Variants in ACTR3C observed in about 807,000 individuals in gnomAD.
The protein encoded by ACTR3C is actin related protein 3C, also known as actin-related protein 3C.
ACTR3C carries 18 observed loss-of-function variants against 26.3 expected under a neutral mutation model. The observed-to-expected ratio is 0.68, with a 90% CI of 0.47 to 1.01. The LOEUF is 1.01. Among genes scored for constraint, ACTR3C ranks in the 50% least tolerant of loss-of-function variants. The probability of loss-of-function intolerance (pLI) is 0.00; values close to 1 mark genes in which losing one functional copy is unlikely to be tolerated. For synonymous variants in ACTR3C, 55 were observed against 94.5 expected (o/e 0.58, Z 2.42); for missense variants, 184 against 250.7 (o/e 0.73, Z 1.80).
chr7:149,890,475 T>C, the ACTR3C span, among the ~76,000 whole-genome samples: 1 of 149,200 alleles, frequency 6.7e-6, no homozygotes, highest in Non-Finnish European at 1.5e-5. Context: ...ATTTAAACCC[T>C]AGAAAAAAAC....
the ACTR3C span, among the ~76,000 whole-genome samples, chr7:150,008,462 A>G: frequency 6.6e-6 from 1 of 152,220 alleles, no homozygotes; most frequent in Non-Finnish European, 1.5e-5. Flanking sequence ...TTAAATTTTC[A>G]TTAATTTTAA....
the ACTR3C span, among the ~76,000 whole-genome samples, chr7:150,084,870 A>G: frequency 6.6e-6 from 1 of 152,130 alleles, no homozygotes; most frequent in African/African-American, 2.4e-5. Flanking sequence ...GTGACTTCAG[A>G]GATTCCAGTG....
the ACTR3C span, among the ~76,000 whole-genome samples, chr7:150,102,534 T>C: frequency 2.0e-5 from 3 of 152,128 alleles, no homozygotes; most frequent in Admixed American, 6.5e-5. Flanking sequence ...GAACTTGGAC[T>C]GTAACCTCTT....
At chr7:150,028,457 G>A in the ACTR3C span, among the ~76,000 whole-genome samples, 1 of 152,300 alleles carries the variant, frequency 6.6e-6, no homozygotes, top group Non-Finnish European at 1.5e-5. Flanking sequence ...CCAATCATCA[G>A]ACTTTAAAGC....
At chr7:150,231,897 G>A in the ACTR3C span, among the ~76,000 whole-genome samples, 1 of 152,044 alleles carries the variant, frequency 6.6e-6, no homozygotes, top group East Asian at 1.9e-4. Context: ...TTGATTGATA[G>A]TGTTCCTCAA....
the ACTR3C span, among the ~76,000 whole-genome samples, chr7:150,013,932 T>C: frequency 6.6e-6 from 1 of 152,098 alleles, no homozygotes; most frequent in Non-Finnish European, 1.5e-5. Context: ...TCCTGGTACC[T>C]GAAGAGAGAT....
chr7:150,192,966 T>C, the ACTR3C span, among the ~76,000 whole-genome samples: 1 of 152,200 alleles, frequency 6.6e-6, no homozygotes, highest in Non-Finnish European at 1.5e-5. Context: ...GATCTTAACC[T>C]CTGTATTGTA....
the ACTR3C span, among the ~76,000 whole-genome samples, chr7:149,904,549 C>T: frequency 5.5e-5 from 4 of 73,386 alleles, 1 homozygote; most frequent in Non-Finnish European, 1.2e-4. Context: ...ACAACAACAA[C>T]AAAAAAAACT....
chr7:150,057,475 A>G, the ACTR3C span, among the ~76,000 whole-genome samples: 2 of 151,572 alleles, frequency 1.3e-5, no homozygotes, highest in Non-Finnish European at 2.9e-5. Flanking sequence ...GGGTAGAGAC[A>G]GGGTTTCACC....
chr7:149,933,494 C>T, the ACTR3C span, among the ~76,000 whole-genome samples: 1 of 152,022 alleles, frequency 6.6e-6, no homozygotes, highest in Non-Finnish European at 1.5e-5. Context: ...CTGGTTAAGC[C>T]AGCGAATGAA....
At chr7:150,055,151 A>G in the ACTR3C span, among the ~76,000 whole-genome samples, 1 of 152,232 alleles carries the variant, frequency 6.6e-6, no homozygotes, top group Non-Finnish European at 1.5e-5. Flanking sequence ...TTGTTTCTGG[A>G]CCAACAGTGA....
chr7:149,964,864 T>C, the ACTR3C span, among the ~76,000 whole-genome samples: 1 of 151,980 alleles, frequency 6.6e-6, no homozygotes, highest in African/African-American at 2.4e-5. Context: ...AGACCTAGAA[T>C]TCAACAAATA....
rs577879163 is a variant in ACTR3C at position 150,256,482 on chromosome 7, T to G, written c.565-7428A>C. Reference sequence around the variant, plus strand: ...TAGCCATTCTAACTGATGTGAGAACTGATGTCAGATGTTAACACAGGAACA... The same window carrying G: ...TAGCCATTCTAACTGATGTGAGAACGGATGTCAGATGTTAACACAGGAACA... On this transcript the variant is annotated intron_variant, in intron 6 of 7. Coordinates refer to ENST00000683684, the MANE Select transcript of ACTR3C (RefSeq NM_001164458.2). Among the ~76,000 whole-genome samples the G allele has an allele frequency of 3.9e-5, 6 of 152,386 alleles. No individual in the cohort carries two copies. The East Asian group carries it at 1.2e-3, about 29-fold the overall frequency.
chr7:150,042,511 C>T, the ACTR3C span, among the ~76,000 whole-genome samples: 79 of 149,180 alleles, frequency 5.3e-4, 1 homozygote, highest in African/African-American at 1.9e-3. Context: ...GATTGCCTCG[C>T]CCCCTGCGAT....
At chr7:150,164,838 A>G in the ACTR3C span, among the ~76,000 whole-genome samples, 1 of 152,224 alleles carries the variant, frequency 6.6e-6, no homozygotes, top group African/African-American at 2.4e-5. Context: ...CAGTATTTCA[A>G]CAAGGAAGGC....
At chr7:150,234,637 C>A in the ACTR3C span, among the ~76,000 whole-genome samples, 9,055 of 152,144 alleles carry the variant, frequency 0.06, 486 homozygotes, top group African/African-American at 0.14. Context: ...GTGGTTTCTG[C>A]ACCGGGTAAA....
chr7:149,895,958 G>C, the ACTR3C span, among the ~76,000 whole-genome samples: 3 of 150,864 alleles, frequency 2.0e-5, no homozygotes, highest in Non-Finnish European at 4.4e-5. Flanking sequence ...AGCACTTTGG[G>C]TGGTCGAGAC....
chr7:150,222,018 A>G, the ACTR3C span, among the ~76,000 whole-genome samples: 7 of 140,656 alleles, frequency 5.0e-5, no homozygotes, highest in Admixed American at 2.8e-4. Flanking sequence ...AAAAAAAAAA[A>G]GTACATCCCC....
the ACTR3C span, among the ~76,000 whole-genome samples, chr7:149,905,023 T>G: frequency 6.6e-6 from 1 of 151,176 alleles, no homozygotes; most frequent in Admixed American, 6.6e-5. Flanking sequence ...CGAAACTCCA[T>G]CTCAAAAAAA....
Sources: allele counts gnomAD v4.1 joint callset (sites outside exome capture counted in the v4.1 genomes callset), GRCh38; gene constraint gnomAD v4.1.1; transcripts MANE v1.5; gene names NCBI Gene and HGNC (gene_info 2026-07-23, HGNC 2026-07-21).